The following COL28A1 variants were observed in gnomAD, a reference collection of about 807,000 sequenced individuals.
COL28A1 encodes collagen alpha-1(XXVIII) chain.
A neutral mutation model predicts 150.2 loss-of-function variants in COL28A1; 161 were observed. The observed-to-expected ratio is 1.07, with a 90% CI of 0.94 to 1.22. The LOEUF is 1.22. Ranked by LOEUF, COL28A1 falls within the 50% of genes most tolerant of loss-of-function variation. The pLI, the probability that COL28A1 is intolerant of heterozygous loss-of-function variation, is 0.00. For missense variants in COL28A1, 1,617 were observed against 1,388.3 expected, an observed-to-expected ratio of 1.16 and a Z score of -2.62; for synonymous variants, 552 against 469.7, an observed-to-expected ratio of 1.18 and a Z score of -2.26.
At chr7:7,350,024 A>C in the COL28A1 span, among the ~76,000 whole-genome samples, 1 of 152,174 alleles carries the variant, frequency 6.6e-6, no homozygotes, top group African/African-American at 2.4e-5. Flanking sequence ...AACCTTGAAT[A>C]TGATGCTAAA....
chr7:7,398,868 G>A (rs1406689265), intron 27 of COL28A1, among the ~76,000 whole-genome samples: 1 of 152,152 alleles, frequency 6.6e-6, no homozygotes, highest in Non-Finnish European at 1.5e-5. Flanking sequence ...TGGTTTGTGT[G>A]TTTAGATGTC....
chr7:7,408,612 C>T (rs1783618533), intron 27 of COL28A1, among the ~76,000 whole-genome samples: 1 of 152,026 alleles, frequency 6.6e-6, no homozygotes, highest in Non-Finnish European at 1.5e-5. Context: ...TTATTACAGC[C>T]CCACCCAAGT....
intron 4 of COL28A1, among the ~76,000 whole-genome samples, chr7:7,522,610 T>C (rs982900589): frequency 2.6e-5 from 4 of 151,974 alleles, no homozygotes; most frequent in Admixed American, 6.6e-5. Flanking sequence ...ACTTAAGAAA[T>C]GCTTCATCAC....
intron 30 of COL28A1, among the ~76,000 whole-genome samples, chr7:7,379,174 C>T (rs56057387): frequency 0.15 from 22,706 of 152,144 alleles, 4,038 homozygotes; most frequent in African/African-American, 0.42. Context: ...GGTTCCAGAG[C>T]GGGGGCCTCT....
chr7:7,380,556 C>G, intron 30 of COL28A1, 104 bp downstream of exon 30: 1 of 957,584 alleles, frequency 1.0e-6, no homozygotes, highest in South Asian at 1.4e-5. Flanking sequence ...TAAATAGAAA[C>G]TGGGATTCTG....
intron 25 of COL28A1, among the ~76,000 whole-genome samples, chr7:7,426,836 G>A (rs770377391): frequency 6.6e-6 from 1 of 152,178 alleles, no homozygotes; most frequent in African/African-American, 2.4e-5. Context: ...TGGAGAGCAA[G>A]AGTCTTTCTT....
At position 7,422,131 on chromosome 7, in the gene COL28A1, T is replaced by C. The variant is rs188464438; in HGVS notation, c.1999-2178A>G. ...CACTTTGCTACATCTTAAAAGGACATGTCTTTTCTCTTCCAAACATTTTGA... is the reference window on the plus strand; with the variant it reads ...CACTTTGCTACATCTTAAAAGGACACGTCTTTTCTCTTCCAAACATTTTGA... On this transcript the variant is annotated intron_variant, in intron 25 of 34. Transcript: ENST00000399429. Among the ~76,000 whole-genome samples, 390 of 152,328 alleles carry C rather than the reference T, an allele frequency of 2.6e-3. 1 individual carries two copies. Among genetic ancestry groups the C allele is most frequent in the African/African-American group, 8.9e-3 (368 of 41,580 alleles).
In COL28A1 at chr7:7,409,400, G is replaced by T. The variant is rs1783661462; in HGVS notation, c.2136+8459C>A. 2.0e-5 allele frequency among the ~76,000 whole-genome samples: 3 copies of T among 151,964 alleles called. No individual in the cohort carries two copies. The South Asian group carries it at 6.2e-4, about 32-fold the overall frequency. The stretch of plus-strand genomic sequence containing the variant: ...TGTCTACATCTTTATATATTAGACA[G>T]ATATGAGTAGGTGGGTAGGAGGAAG... On this transcript the variant is annotated intron_variant, in intron 27 of 34. Coordinates refer to ENST00000399429, the MANE Select transcript of COL28A1 (RefSeq NM_001037763.3).
At chr7:7,439,986 T>C (rs1055353660) in intron 21 of COL28A1, among the ~76,000 whole-genome samples, 1 of 152,240 alleles carries the variant, frequency 6.6e-6, no homozygotes, top group African/African-American at 2.4e-5. Flanking sequence ...TCCTAAAATA[T>C]ACTCCTTGTC....
chr7:7,389,560 T>A (rs368575245), intron 27 of COL28A1, among the ~76,000 whole-genome samples: 10 of 152,266 alleles, frequency 6.6e-5, no homozygotes, highest in African/African-American at 2.4e-4. Context: ...TGATAGGGAT[T>A]GCATTGAATC....
chr7:7,465,322 C>T, intron 15 of COL28A1, among the ~76,000 whole-genome samples: 1 of 144,348 alleles, frequency 6.9e-6, no homozygotes, highest in Non-Finnish European at 1.5e-5. Context: ...AGTTCCCTTT[C>T]CGAGTCAAAG....
chr7:7,533,227 A>G (rs1445547718), intron 1 of COL28A1, among the ~76,000 whole-genome samples: 2 of 152,166 alleles, frequency 1.3e-5, no homozygotes, highest in East Asian at 1.9e-4. Flanking sequence ...CCCGCTCTAT[A>G]TGATTACTGT....
chr7:7,374,150 G>C (rs1400947149), intron 31 of COL28A1, among the ~76,000 whole-genome samples: 1 of 150,890 alleles, frequency 6.6e-6, no homozygotes, highest in African/African-American at 2.4e-5. Context: ...AAAGAGTTAG[G>C]ATGCCCTGTG....
intron 27 of COL28A1, among the ~76,000 whole-genome samples, chr7:7,414,685 C>A (rs6979055): frequency 6.6e-6 from 1 of 152,044 alleles, no homozygotes. Context: ...AAAGAGAAGC[C>A]CTTCTACTCC....
intron 18 of COL28A1, among the ~76,000 whole-genome samples, chr7:7,452,106 T>C (rs1035859063): frequency 6.6e-6 from 1 of 152,236 alleles, no homozygotes; most frequent in African/African-American, 2.4e-5. Context: ...GGAGTATATA[T>C]TTTAGAGCAG....
At position 7,490,632 on chromosome 7, in the gene COL28A1, A is replaced by G; in HGVS notation, c.1041T>C (p.Pro347=). Residue 347 remains proline, a synonymous_variant, in exon 12 of 35, where the codon CCT becomes CCC. Transcript: ENST00000399429. ...GFQGNKGEPG[P]PGPYGSPGAP... is the part of the protein sequence containing the mutation. ...CTCCTGGAGAACCATAAGGACCAGG[A>G]GGACCTGGCTCACCCTGGAGGAAGA... 7.5e-7 allele frequency: 1 copy of G among 1,331,272 alleles called. No individual in the cohort carries two copies. The highest frequency in any genetic ancestry group is 2.3e-5 in the East Asian group (1 of 43,568). The allele number at this position is 1,331,272 out of a possible 1,614,324, so 82.5% of individuals were successfully genotyped here.
chr7:7,349,342 A>G, the COL28A1 span, among the ~76,000 whole-genome samples: 15 of 152,082 alleles, frequency 9.9e-5, no homozygotes, highest in Non-Finnish European at 1.0e-4. Flanking sequence ...GGCTGGTGTG[A>G]CAAGCACTAT....
chr7:7,377,109 T>C (rs57872664), intron 30 of COL28A1, among the ~76,000 whole-genome samples: 3,860 of 152,342 alleles, frequency 0.025, 167 homozygotes, highest in African/African-American at 0.088. Flanking sequence ...CTTTGTCTTA[T>C]CTTTTTCTAT....
At chr7:7,433,745 T>C (rs778452132) in intron 23 of COL28A1, among the ~76,000 whole-genome samples, 64 of 152,194 alleles carry the variant, frequency 4.2e-4, no homozygotes, top group Non-Finnish European at 6.8e-4. Flanking sequence ...ACCGATCTGT[T>C]GTTGATGACT....
Sources: gnomAD v4.1 joint callset for allele counts (sites outside exome capture counted in the v4.1 genomes callset) on GRCh38, gnomAD v4.1.1 for gene constraint, MANE v1.5 for transcripts, NCBI Gene and HGNC (gene_info 2026-07-23, HGNC 2026-07-21) for gene names.